The following GPR155 variants were observed in gnomAD, a reference collection of about 807,000 sequenced individuals.
GPR155 encodes the protein G protein-coupled receptor 155.
In GPR155, 65 loss-of-function variants were observed where a neutral mutation model predicts 93.1. The observed-to-expected ratio is 0.70, with a 90% CI of 0.57 to 0.86. The LOEUF is 0.86. Ranked by LOEUF, GPR155 falls within the 40% of genes least tolerant of loss-of-function variation. The pLI, the probability that GPR155 is intolerant of heterozygous loss-of-function variation, is 0.00. For missense variants in GPR155, 838 were observed against 1,034.8 expected (o/e 0.81, Z 2.61); for synonymous variants, 319 against 360.1 (o/e 0.89, Z 1.29).
chr2:174,452,036 T>G (rs1687336105), intron 11 of GPR155, among the ~76,000 whole-genome samples: 3 of 152,286 alleles, frequency 2.0e-5, no homozygotes, highest in South Asian at 2.1e-4. Context: ...CCAAATCAGA[T>G]TACATGTTGA....
At chr2:174,459,657 C>T (rs1388686693) in intron 10 of GPR155, among the ~76,000 whole-genome samples, 1 of 152,128 alleles carries the variant, frequency 6.6e-6, no homozygotes, top group Non-Finnish European at 1.5e-5. Flanking sequence ...CCAGCCTGGG[C>T]AACATGGCGA....
chr2:174,436,021 G>A lies in GPR155; in HGVS notation c.*95C>T, dbSNP rs1393028615. 20 of 900,624 alleles carry A rather than the reference G, an allele frequency of 2.2e-5. No homozygotes were observed. The South Asian group carries it at 2.9e-4, about 13-fold the overall frequency. The allele number at this position is 900,624 out of a possible 1,614,324, so 55.8% of individuals were successfully genotyped here. A position where few individuals can be genotyped will look rare whatever the true frequency, so the allele number is the denominator to read the frequency against. ...AGAAGAGACAACTGAGGCTCAGAGA[G>A]GTTGCCTCTGTTAACTTGCCCAAGG... On this transcript the variant is annotated 3_prime_UTR_variant, in exon 16 of 16. Coordinates refer to ENST00000392552, the MANE Select transcript of GPR155 (RefSeq NM_152529.7).
At chr2:174,466,438 T>C (rs962562272) in intron 6 of GPR155, 106 bp downstream of exon 6, 13 of 690,802 alleles carry the variant, frequency 1.9e-5, no homozygotes, top group Admixed American at 1.1e-4. Flanking sequence ...CATTTGGTAA[T>C]ACTTCTGACT....
intron 10 of GPR155, among the ~76,000 whole-genome samples, chr2:174,455,794 G>A (rs1388187442): frequency 6.6e-6 from 1 of 152,174 alleles, no homozygotes; most frequent in East Asian, 1.9e-4. Context: ...CAGTACCTTT[G>A]ACAAAGAGAA....
chr2:174,439,936 G>A lies in GPR155; in HGVS notation c.2274C>T (p.His758=), dbSNP rs376460157. 1.2e-5 allele frequency: 20 copies of A among 1,612,956 alleles called. No individual in the cohort carries two copies. The highest frequency in any genetic ancestry group is 1.7e-5 in the Non-Finnish European group (20 of 1,179,296). The change falls in exon 15 of 16, where the codon CAC becomes CAT. Residue 758 remains histidine, a synonymous_variant. Coordinates refer to ENST00000392552, the MANE Select transcript of GPR155 (RefSeq NM_152529.7). ...KMTCQQFIHY[H]RDLCIRNIVK... ...CAATGTTTCGGATACAGAGGTCACGGTGATAATGGATAAATTGTTGACAGG... is the reference window on the plus strand; with the variant it reads ...CAATGTTTCGGATACAGAGGTCACGATGATAATGGATAAATTGTTGACAGG...
Position 174,481,485 on chromosome 2 carries a change from A to G in GPR155, c.460+12T>C. ...AATTTTTTAAACACTTGAAAAATAA[A>G]AATTAACTTACCTATAGGGTATCCC... On this transcript the variant is annotated intron_variant, in intron 2 of 15. Transcript: ENST00000392552. 2.8e-6 allele frequency: 4 copies of G among 1,451,628 alleles called. No individual in the cohort carries two copies. The highest frequency in any genetic ancestry group is 3.7e-6 in the Non-Finnish European group (4 of 1,067,700). The allele number at this position is 1,451,628 out of a possible 1,614,324, so 89.9% of individuals were successfully genotyped here.
rs542122484 is a variant in GPR155, at chr2:174,447,389, T to C, written c.1877-642A>G. On this transcript the variant is annotated intron_variant, in intron 11 of 15. Coordinates refer to ENST00000392552, the MANE Select transcript of GPR155 (RefSeq NM_152529.7). The stretch of plus-strand genomic sequence containing the variant: ...AATTAATATAATTAAGTATAAATTA[T>C]ATATAATTTTTATTTTATATATTAG... Among the ~76,000 whole-genome samples, 471 of 146,710 alleles carry C rather than the reference T, an allele frequency of 3.2e-3. 2 individuals carry two copies. Among genetic ancestry groups the C allele is most frequent in the African/African-American group, 0.011 (433 of 40,684 alleles).
intron 11 of GPR155, among the ~76,000 whole-genome samples, chr2:174,449,883 G>A (rs1395998010): frequency 6.6e-6 from 1 of 152,214 alleles, no homozygotes; most frequent in African/African-American, 2.4e-5. Flanking sequence ...GGCTGAGACA[G>A]GAGAATTGCT....
intron 7 of GPR155, among the ~76,000 whole-genome samples, chr2:174,465,255 CTATT>C (rs958711308): frequency 6.6e-6 from 1 of 152,072 alleles, no homozygotes; most frequent in Non-Finnish European, 1.5e-5. Context: ...TAACATAGTT[CTATT>C]TATTTAGTGC....
intron 13 of GPR155, among the ~76,000 whole-genome samples, chr2:174,444,143 G>C (rs765399066): frequency 6.6e-6 from 1 of 152,098 alleles, no homozygotes; most frequent in Non-Finnish European, 1.5e-5. Context: ...ATGGCCGGGT[G>C]TGGTGGCTCA....
Position 174,447,441 on chromosome 2 carries a change from A to G in GPR155, c.1877-694T>C, listed in dbSNP as rs896352517. 4.1e-5 allele frequency among the ~76,000 whole-genome samples: 6 copies of G among 146,282 alleles called. No homozygotes were observed. The East Asian group carries it at 7.8e-4, about 19-fold the overall frequency. On this transcript the variant is annotated intron_variant, in intron 11 of 15. Transcript: ENST00000392552. ...TATATAAATAATATATACACATTAC[A>G]TATATAATTATATAACAATTATATA...
At chr2:174,481,188 T>A (rs907271316) in intron 2 of GPR155, among the ~76,000 whole-genome samples, 2 of 152,260 alleles carry the variant, frequency 1.3e-5, no homozygotes, top group Non-Finnish European at 2.9e-5. Context: ...TCTACTTTTT[T>A]AACATAATTT....
chr2:174,454,208 G>A (rs904849279), intron 10 of GPR155, among the ~76,000 whole-genome samples: 1 of 152,094 alleles, frequency 6.6e-6, no homozygotes. Context: ...CGCAATCTCG[G>A]CTCACTGCAA....
At chr2:174,460,598 A>G (rs938579000) in intron 9 of GPR155, among the ~76,000 whole-genome samples, 1 of 152,318 alleles carries the variant, frequency 6.6e-6, no homozygotes, top group Non-Finnish European at 1.5e-5. Context: ...TTGTAATTAC[A>G]CAAGGTTTTA....
chr2:174,458,960 C>T (rs893285885), intron 10 of GPR155, among the ~76,000 whole-genome samples: 3 of 151,910 alleles, frequency 2.0e-5, no homozygotes, highest in African/African-American at 4.8e-5. Flanking sequence ...TGGTGGCGTG[C>T]GACTGTAGTC....
At chr2:174,476,423 G>A (rs1002593472) in intron 2 of GPR155, among the ~76,000 whole-genome samples, 1 of 152,094 alleles carries the variant, frequency 6.6e-6, no homozygotes, top group Non-Finnish European at 1.5e-5. Flanking sequence ...GGCCAACACG[G>A]TGAAACCCCA....
chr2:174,442,214 G>A, intron 13 of GPR155, 31 bp from the exon 14 acceptor site: 1 of 1,111,666 alleles, frequency 9.0e-7, no homozygotes, highest in Non-Finnish European at 1.4e-6. Flanking sequence ...ATTTTTTTCA[G>A]AATTCAACAA....
At chr2:174,459,285 G>A (rs1687610991) in intron 10 of GPR155, among the ~76,000 whole-genome samples, 1 of 152,054 alleles carries the variant, frequency 6.6e-6, no homozygotes, top group African/African-American at 2.4e-5. Flanking sequence ...ATTAACTTAT[G>A]TATGTGCTTC....
chr2:174,482,748 C>T (rs953738353), intron 1 of GPR155: 1 of 152,212 alleles, frequency 6.6e-6, no homozygotes, highest in Non-Finnish European at 1.5e-5. Context: ...GATCTGCCTG[C>T]CTCAGCATCC....
Sources: allele counts gnomAD v4.1 joint callset (sites outside exome capture counted in the v4.1 genomes callset), GRCh38; gene constraint gnomAD v4.1.1; transcripts MANE v1.5; gene names NCBI Gene and HGNC (gene_info 2026-07-23, HGNC 2026-07-21).